ODAD4: variants seen among roughly 807,000 people sequenced by gnomAD.
ODAD4 encodes the protein outer dynein arm-docking complex subunit 4.
ODAD4 carries 49 observed loss-of-function variants against 51.8 expected under a neutral mutation model. The ratio of observed to expected loss-of-function variants is 0.95; its 90% CI spans 0.75 to 1.20. ODAD4 has a LOEUF of 1.20. Ranked by LOEUF, ODAD4 falls within the 50% of genes most tolerant of loss-of-function variation. ODAD4 has a pLI of 0.00. For synonymous variants in ODAD4, 235 were observed against 221.3 expected, an observed-to-expected ratio of 1.06 and a Z score of -0.55; for missense variants, 590 against 586.5, an observed-to-expected ratio of 1.01 and a Z score of -0.06.
intron 8 of ODAD4, among the ~76,000 whole-genome samples, chr17:41,948,458 G>A (rs944709983): frequency 1.6e-4 from 25 of 151,938 alleles, no homozygotes; most frequent in Middle Eastern, 3.4e-3. Flanking sequence ...CTGGGCTACA[G>A]GCGCACACCA....
At chr17:41,942,302 T>A (rs2050517894) in intron 7 of ODAD4, among the ~76,000 whole-genome samples, 1 of 152,196 alleles carries the variant, frequency 6.6e-6, no homozygotes, top group East Asian at 1.9e-4. Flanking sequence ...GTGAGTCCCA[T>A]GTGCTCCAGG....
rs548234610 is a variant in ODAD4, at chr17:41,966,431, A to G, written c.*948A>G. ...TTTAATCCAATGTGGTAAAAAAAAAAGTTTTTAATTAATGCAAAAGTCCAT... is the reference window on the plus strand; with the variant it reads ...TTTAATCCAATGTGGTAAAAAAAAAGGTTTTTAATTAATGCAAAAGTCCAT... On this transcript the variant is annotated 3_prime_UTR_variant, in exon 12 of 12. Coordinates refer to ENST00000377540, the MANE Select transcript of ODAD4 (RefSeq NM_031421.5). Among the ~76,000 whole-genome samples, 1 of 152,204 alleles carries G rather than the reference A, an allele frequency of 6.6e-6. No individual in the cohort carries two copies. The highest frequency in any genetic ancestry group is 1.5e-5 in the Non-Finnish European group (1 of 68,040).
At chr17:41,948,401 C>T (rs2050614728) in intron 8 of ODAD4, among the ~76,000 whole-genome samples, 1 of 147,808 alleles carries the variant, frequency 6.8e-6, no homozygotes. Flanking sequence ...ACTGCAATTT[C>T]AACCTCTCAG....
intron 10 of ODAD4, among the ~76,000 whole-genome samples, chr17:41,956,322 T>C (rs1555640999): frequency 3.9e-5 from 6 of 151,906 alleles, no homozygotes; most frequent in Admixed American, 2.6e-4. Flanking sequence ...GTGCTGGGAT[T>C]ATAGGTGTGA....
chr17:41,941,963 G>A (rs1354858480), intron 7 of ODAD4, among the ~76,000 whole-genome samples: 2 of 152,062 alleles, frequency 1.3e-5, no homozygotes, highest in Admixed American at 6.6e-5. Flanking sequence ...AATTTGAGAT[G>A]GAGTTTCACT....
chr17:41,963,303 A>T (rs1472869009), intron 11 of ODAD4, among the ~76,000 whole-genome samples: 1 of 148,656 alleles, frequency 6.7e-6, no homozygotes, highest in Non-Finnish European at 1.5e-5. Context: ...CATAACTGAT[A>T]AAAAAAAAAA....
At chr17:41,953,486 A>G (rs2050686342) in intron 9 of ODAD4, among the ~76,000 whole-genome samples, 4 of 152,130 alleles carry the variant, frequency 2.6e-5, no homozygotes, top group African/African-American at 7.2e-5. Context: ...TGGTTTGTGA[A>G]GACCTTGGCT....
intron 10 of ODAD4, 141 bp downstream of exon 10, chr17:41,955,458 T>C (rs1312450948): frequency 3.4e-6 from 2 of 593,620 alleles, no homozygotes; most frequent in South Asian, 1.9e-5. Flanking sequence ...GACAGAGTCT[T>C]GCTCTGTTGC....
At chr17:41,938,942 A>G in intron 6 of ODAD4, 23 bp from the exon 7 acceptor site, 1 of 1,602,404 alleles carries the variant, frequency 6.2e-7, no homozygotes, top group East Asian at 2.2e-5. Context: ...CCTGGCCTCC[A>G]CAGCACCCCT....
intron 10 of ODAD4, among the ~76,000 whole-genome samples, chr17:41,960,455 A>AAC (rs1567940340): frequency 2.0e-5 from 3 of 151,690 alleles, no homozygotes; most frequent in South Asian, 4.1e-4. Flanking sequence ...CTCAAAAAAA[A>AAC]AAACAAACAA....
At chr17:41,936,618 A>C (rs1490096822) in intron 4 of ODAD4, 84 bp downstream of exon 4, 1 of 1,518,648 alleles carries the variant, frequency 6.6e-7, no homozygotes, top group African/African-American at 1.4e-5. Flanking sequence ...GTCTAGCTGC[A>C]ACCTGACCAG....
At chr17:41,954,459 G>A (rs76883109) in intron 9 of ODAD4, among the ~76,000 whole-genome samples, 4,336 of 152,080 alleles carry the variant, frequency 0.029, 81 homozygotes, top group Non-Finnish European at 0.043. Flanking sequence ...GCCTGGACTC[G>A]AGACAGCTGA....
chr17:41,946,420 G>T (rs1180522787), intron 8 of ODAD4, among the ~76,000 whole-genome samples: 1 of 152,096 alleles, frequency 6.6e-6, no homozygotes, highest in Non-Finnish European at 1.5e-5. Context: ...CTGCCTCTAG[G>T]TTCAAGCAAT....
intron 11 of ODAD4, 43 bp from the exon 12 acceptor site, chr17:41,964,950 A>T: frequency 3.0e-6 from 2 of 666,306 alleles, no homozygotes; most frequent in Non-Finnish European, 5.5e-6. Context: ...GCCTGACATG[A>T]ACAAACTTTT....
chr17:41,941,105 T>C (rs908228971), intron 7 of ODAD4, among the ~76,000 whole-genome samples: 2 of 152,220 alleles, frequency 1.3e-5, no homozygotes, highest in African/African-American at 4.8e-5. Flanking sequence ...TGCCCAGCAA[T>C]GGCCATGTCT....
chr17:41,942,854 GTTTTGTT>G (rs1555638867), intron 7 of ODAD4, among the ~76,000 whole-genome samples: 1 of 152,022 alleles, frequency 6.6e-6, no homozygotes. Context: ...TTGTGTGTGT[GTTTTGTT>G]TTTTTTGTTT....
At position 41,965,702 on chromosome 17, in the gene ODAD4, A is replaced by C; in HGVS notation, c.*219A>C. 1 of 503,094 alleles carries C rather than the reference A, an allele frequency of 2.0e-6. No homozygotes were observed. The highest frequency in any genetic ancestry group is 5.3e-4 in the Middle Eastern group (1 of 1,892). 31.2% of individuals were successfully genotyped at this position (503,094 alleles called of 1,614,324 possible). On this transcript the variant is annotated 3_prime_UTR_variant, in exon 12 of 12. Coordinates refer to ENST00000377540, the MANE Select transcript of ODAD4 (RefSeq NM_031421.5). ...CACCCCTGCCCATTCTTGGAAGAGC[A>C]TCGTGGAAGAAATGAGAAAGGTGCC...
At chr17:41,962,356 C>T (rs2050816545) in intron 11 of ODAD4, among the ~76,000 whole-genome samples, 1 of 152,204 alleles carries the variant, frequency 6.6e-6, no homozygotes, top group Admixed American at 6.5e-5. Context: ...CATTCTTTCT[C>T]ACAAGGTCTC....
chr17:41,943,148 ATGT>A (rs1555638908), intron 7 of ODAD4, among the ~76,000 whole-genome samples: 2 of 152,152 alleles, frequency 1.3e-5, no homozygotes, highest in African/African-American at 4.8e-5. Flanking sequence ...TCCCAGGATG[ATGT>A]TGTTGGAATG....
Sources: allele counts gnomAD v4.1 joint callset (sites outside exome capture counted in the v4.1 genomes callset), GRCh38; gene constraint gnomAD v4.1.1; transcripts MANE v1.5; gene names NCBI Gene and HGNC (gene_info 2026-07-23, HGNC 2026-07-21).